The following STOM variants were observed in gnomAD, a reference collection of about 807,000 sequenced individuals.
STOM encodes erythrocyte band 7 integral membrane protein.
STOM carries 25 observed loss-of-function variants against 30.6 expected under a neutral mutation model. The observed-to-expected ratio is 0.82, with a 90% CI of 0.60 to 1.14. The LOEUF (loss-of-function observed/expected upper bound fraction) is 1.14, where lower values mean the gene tolerates loss of function less well. STOM is among the 50% of genes most tolerant of loss of function. The probability of loss-of-function intolerance (pLI) is 0.00; values close to 1 mark genes in which losing one functional copy is unlikely to be tolerated. For synonymous variants in STOM, 118 were observed against 130.8 expected (o/e 0.90, Z 0.67); for missense variants, 292 against 365.2 (o/e 0.80, Z 1.63).
intron 6 of STOM, 139 bp from the exon 7 acceptor site, chr9:121,341,547 A>AATTTC: frequency 9.1e-7 from 1 of 1,095,106 alleles, no homozygotes. Context: ...TAAGAAAATC[A>AATTTC]ATTTCTACAT....
chr9:121,370,052 G>T, intron 1 of STOM, 75 bp downstream of exon 1: 1 of 1,382,720 alleles, frequency 7.2e-7, no homozygotes, highest in Non-Finnish European at 9.8e-7. Flanking sequence ...CAGGAGCCCG[G>T]CTGTCAGACC....
chr9:121,353,296 A>C lies in STOM; in HGVS notation c.245T>G (p.Phe82Cys), dbSNP rs2064355899. ...GCTGTCAGTGCATGGCAGAATAAAA[A>C]ACAAACCTGCAACAAAGATACACAC... is the stretch of plus-strand genomic sequence containing the variant. Reference protein sequence around the residue: ...LQGGAKGPGLFFILPCTDSFI... With the variant: ...LQGGAKGPGLCFILPCTDSFI... Residue 82 changes from phenylalanine to cysteine, a missense_variant, in exon 4 of 7, where the codon TTT becomes TGT. Coordinates refer to ENST00000286713, the MANE Select transcript of STOM (RefSeq NM_004099.6). 3 of 1,606,270 alleles carry C rather than the reference A, an allele frequency of 1.9e-6. No homozygotes were observed. In the East Asian group the frequency reaches 6.8e-5, roughly 36 times the overall value.
intron 1 of STOM, among the ~76,000 whole-genome samples, chr9:121,358,810 G>T (rs990602500): frequency 1.8e-4 from 27 of 151,938 alleles, no homozygotes; most frequent in African/African-American, 6.3e-4. Context: ...TAAATCAATT[G>T]CCTAAATTTC....
intron 1 of STOM, among the ~76,000 whole-genome samples, chr9:121,364,849 T>C (rs1035954050): frequency 1.3e-5 from 2 of 152,212 alleles, no homozygotes; most frequent in African/African-American, 2.4e-5. Context: ...GTAATTATTC[T>C]ATTCAGTTGT....
intron 6 of STOM, 72 bp from the exon 7 acceptor site, chr9:121,341,480 G>A: frequency 6.3e-7 from 1 of 1,596,068 alleles, no homozygotes; most frequent in Non-Finnish European, 8.5e-7. Context: ...TTCAACCGGG[G>A]GTATGTATAC....
At chr9:121,357,201 A>G (rs2064400132) in intron 1 of STOM, among the ~76,000 whole-genome samples, 1 of 151,972 alleles carries the variant, frequency 6.6e-6, no homozygotes, top group Non-Finnish European at 1.5e-5. Context: ...TCTTAGTGCT[A>G]TAAACAGTGT....
chr9:121,345,253 T>C (rs1407677262), intron 6 of STOM, among the ~76,000 whole-genome samples: 3 of 152,172 alleles, frequency 2.0e-5, no homozygotes, highest in African/African-American at 7.2e-5. Flanking sequence ...GCCAGACTGT[T>C]TTCCACAGTG....
At chr9:121,360,958 A>G (rs895536426) in intron 1 of STOM, among the ~76,000 whole-genome samples, 3 of 152,230 alleles carry the variant, frequency 2.0e-5, no homozygotes, top group Admixed American at 6.5e-5. Flanking sequence ...TGGCACTTTC[A>G]TATTTTTCTA....
At chr9:121,353,150 C>G (rs971860487) in intron 4 of STOM, 70 bp downstream of exon 4, 6 of 779,856 alleles carry the variant, frequency 7.7e-6, no homozygotes, top group African/African-American at 3.6e-5. Flanking sequence ...AGCCTACACT[C>G]TAACTATTCT....
chr9:121,356,065 C>A lies in STOM; in HGVS notation c.153G>T (p.Trp51Cys), dbSNP rs1350525838. The A allele has an allele frequency of 6.2e-7, 1 of 1,613,980 alleles. No homozygotes were observed. Among genetic ancestry groups the A allele is most frequent in the South Asian group, 1.1e-5 (1 of 91,042 alleles). The change falls in exon 2 of 7, where the codon TGG becomes TGT. Residue 51 changes from tryptophan (W) to cysteine (C), a missense_variant. By Grantham distance (215) the Trp-to-Cys change is radical. Coordinates refer to ENST00000286713, the MANE Select transcript of STOM (RefSeq NM_004099.6). The stretch of plus-strand genomic sequence containing the variant: ...AAATGTTCTTTACCTTTATGCACAT[C>A]CATATTGAGATTGGGAAAGTTATAA... ...FTVITFPISI[W>C]MCIKIIKEYE...
chr9:121,369,200 A>T (rs764114601), intron 1 of STOM, among the ~76,000 whole-genome samples: 1 of 152,234 alleles, frequency 6.6e-6, no homozygotes, highest in Non-Finnish European at 1.5e-5. Context: ...TTTACAAATA[A>T]TCAGAATAGA....
intron 2 of STOM, among the ~76,000 whole-genome samples, chr9:121,355,337 G>A (rs2064377851): frequency 6.7e-6 from 1 of 149,688 alleles, no homozygotes; most frequent in South Asian, 2.1e-4. Context: ...GCAGTGAGCC[G>A]AGATCGCGCC....
chr9:121,356,181 C>T, intron 1 of STOM, 25 bp from the exon 2 acceptor site: 1 of 1,581,488 alleles, frequency 6.3e-7, no homozygotes, highest in Non-Finnish European at 8.7e-7. Context: ...AAATATACAA[C>T]TCTCACAACT....
At position 121,349,215 on chromosome 9, in the gene STOM, G is replaced by A. The variant is rs764090078; in HGVS notation, c.430C>T (p.Arg144Cys). Residue 144 changes from arginine (R) to cysteine (C), a missense_variant, in exon 5 of 7, where the codon CGT (arginine) becomes TGT (cysteine). Arg to Cys is a radical substitution (Grantham distance 180, BLOSUM62 -3). Transcript: ENST00000286713. The stretch of plus-strand genomic sequence containing the variant: ...CTCAGAGTAGTTTGTGCCAAAAGAC[G>A]GGTTGCTGAGTCAGCGTTGGTGATA... ...ANITNADSAT[R>C]LLAQTTLRNV... 2.5e-6 allele frequency: 4 copies of A among 1,614,150 alleles called. No homozygotes were observed. The highest frequency in any genetic ancestry group is 3.4e-6 in the Non-Finnish European group (4 of 1,180,030).
intron 2 of STOM, among the ~76,000 whole-genome samples, chr9:121,355,160 G>GA (rs1235953179): frequency 6.8e-6 from 1 of 147,896 alleles, no homozygotes; most frequent in Non-Finnish European, 1.5e-5. Context: ...AAGGGAGGAT[G>GA]AGACAGGAGA....
chr9:121,356,508 A>G (rs556277555), intron 1 of STOM, among the ~76,000 whole-genome samples: 1 of 152,378 alleles, frequency 6.6e-6, no homozygotes, highest in South Asian at 2.1e-4. Context: ...AGACAAACAC[A>G]TAATTATAAT....
At position 121,370,148 on chromosome 9, in the gene STOM, G is replaced by T. The variant is rs1381718438; in HGVS notation, c.40C>A (p.Arg14=). 1 of 1,546,732 alleles carries T rather than the reference G, an allele frequency of 6.5e-7. No individual in the cohort carries two copies. Residue 14 remains arginine, a synonymous_variant, in exon 1 of 7, where the codon CGG becomes AGG. Coordinates refer to ENST00000286713, the MANE Select transcript of STOM (RefSeq NM_004099.6). ...TCACCCTTGAAGGAGTCGGGGAGCC[G>T]CTGGGCTTCGGAGTCCCGTGTGTGC... ...KRHTRDSEAQ[R]LPDSFKDSPS...
In STOM at chr9:121,370,202, A is replaced by C; in HGVS notation, c.-15T>G. On this transcript the variant is annotated 5_prime_UTR_variant, in exon 1 of 7. Coordinates refer to ENST00000286713, the MANE Select transcript of STOM (RefSeq NM_004099.6). ...TTCTCGGCCATGCTGCCCGAGACGC[A>C]GTCGCACTCCCCCGTCCTCGTTGCC... The C allele has an allele frequency of 1.3e-6, 2 of 1,546,222 alleles. No homozygotes were observed. Among genetic ancestry groups the C allele is most frequent in the Non-Finnish European group, 1.7e-6 (2 of 1,145,478 alleles).
Position 121,339,657 on chromosome 9 carries a change from C to T in STOM, c.*1545G>A, listed in dbSNP as rs982773352. On this transcript the variant is annotated 3_prime_UTR_variant, in exon 7 of 7. Transcript: ENST00000286713. ...AAGAGGAAATGTTACAAATGTCACCCGCCAGCTTTCTGGCCAGTAAGCAGA... is the reference window on the plus strand; with the variant it reads ...AAGAGGAAATGTTACAAATGTCACCTGCCAGCTTTCTGGCCAGTAAGCAGA... The T allele has an allele frequency of 1.6e-6, 2 of 1,231,426 alleles. No individual in the cohort carries two copies. Among genetic ancestry groups the T allele is most frequent in the South Asian group, 4.1e-5 (1 of 24,290 alleles). 76.3% of individuals were successfully genotyped at this position (1,231,426 alleles called of 1,614,324 possible). A position where few individuals can be genotyped will look rare whatever the true frequency, so the allele number is the denominator to read the frequency against.
Sources: allele counts gnomAD v4.1 joint callset (sites outside exome capture counted in the v4.1 genomes callset), GRCh38; gene constraint gnomAD v4.1.1; transcripts MANE v1.5; gene names NCBI Gene and HGNC (gene_info 2026-07-23, HGNC 2026-07-21).